The following MYO1H variants were observed in gnomAD, a reference collection of about 807,000 sequenced individuals.
The protein encoded by MYO1H is myosin IH, also known as unconventional myosin-Ih.
A neutral mutation model predicts 149.3 loss-of-function variants in MYO1H; 118 were observed. That is an observed-to-expected ratio of 0.79 (90% CI 0.68 to 0.92). The LOEUF (loss-of-function observed/expected upper bound fraction) is 0.92, where lower values mean the gene tolerates loss of function less well. MYO1H is among the 40% of genes least tolerant of loss of function. MYO1H has a pLI of 0.00. For missense variants in MYO1H, 1,212 were observed against 1,280.7 expected (o/e 0.95, Z 0.82); for synonymous variants, 447 against 465.2 (o/e 0.96, Z 0.50).
intron 16 of MYO1H, 85 bp from the exon 17 acceptor site, chr12:109,424,663 T>G: frequency 1.0e-6 from 1 of 997,596 alleles, no homozygotes; most frequent in Non-Finnish European, 1.5e-6. Flanking sequence ...CTCTGTTGCT[T>G]CATGCACACT....
chr12:109,434,561 A>G (rs1032746182), intron 20 of MYO1H, among the ~76,000 whole-genome samples: 2 of 152,156 alleles, frequency 1.3e-5, no homozygotes, highest in African/African-American at 2.4e-5. Context: ...GCCTAGCAAC[A>G]TAACTTGAAG....
chr12:109,407,600 C>CAAAAA (rs776897477), intron 9 of MYO1H, among the ~76,000 whole-genome samples, 194 bp from the exon 10 acceptor site: 3 of 68,426 alleles, frequency 4.4e-5, no homozygotes, highest in South Asian at 5.5e-4. Context: ...CACATTTCTA[C>CAAAAA]AAAAAAAAAA....
chr12:109,356,913 A>G (rs971389357), intron 1 of MYO1H, among the ~76,000 whole-genome samples: 2 of 152,210 alleles, frequency 1.3e-5, no homozygotes, highest in Admixed American at 1.3e-4. Flanking sequence ...CAATATTATC[A>G]TTCTCAGATT....
At chr12:109,375,526 T>C (rs549409563) in intron 1 of MYO1H, among the ~76,000 whole-genome samples, 1 of 152,366 alleles carries the variant, frequency 6.6e-6, no homozygotes, top group South Asian at 2.1e-4. Flanking sequence ...ATTTTTCTTA[T>C]TCATTTCTAG....
At chr12:109,427,484 T>C (rs753069363) in exon 19 of MYO1H, 2 of 1,612,298 alleles carry the variant, frequency 1.2e-6, no homozygotes, top group South Asian at 2.2e-5. Context: ...TTTGATGACT[T>C]CCTCATAAGG....
intron 8 of MYO1H, 139 bp from the exon 9 acceptor site, chr12:109,406,649 GA>G (rs1223816044): frequency 3.0e-5 from 22 of 731,210 alleles, no homozygotes; most frequent in Middle Eastern, 5.0e-4. Flanking sequence ...GACCTTGTCT[GA>G]AAAAAAGTTA....
chr12:109,444,276 A>T, exon 29 of MYO1H: 2 of 1,613,784 alleles, frequency 1.2e-6, no homozygotes, highest in Non-Finnish European at 1.7e-6. Flanking sequence ...GAGGACAGCA[A>T]GCAAAAGGTA....
chr12:109,381,531 G>T (rs930076833), intron 1 of MYO1H, among the ~76,000 whole-genome samples: 1 of 152,206 alleles, frequency 6.6e-6, no homozygotes. Context: ...TTGGCTGGGC[G>T]CAGTGGCTCA....
Position 109,427,348 on chromosome 12 carries a change from A to G in MYO1H, c.1832-121A>G, listed in dbSNP as rs148267374. 454 of 595,542 alleles carry G rather than the reference A, an allele frequency of 7.6e-4. 1 individual carries two copies. In the African/African-American group the frequency reaches 8.0e-3, roughly 11 times the overall value. The allele number at this position is 595,542 out of a possible 1,614,324, so 36.9% of individuals were successfully genotyped here. ...AAAAAAAAAAAAAAATTAAGACCTC[A>G]CGAAATGAGTCTGGGGCCAGACCCA... is the stretch of plus-strand genomic sequence containing the variant. On this transcript the variant is annotated intron_variant, in intron 18 of 31. Transcript: ENST00000310903.
At chr12:109,426,474 C>T (rs1340160394) in intron 18 of MYO1H, among the ~76,000 whole-genome samples, 1 of 152,056 alleles carries the variant, frequency 6.6e-6, no homozygotes, top group African/African-American at 2.4e-5. Flanking sequence ...TGCAGTGAGC[C>T]ATGACTGTGC....
the MYO1H span, among the ~76,000 whole-genome samples, chr12:109,341,189 G>GAAA: frequency 1.0e-5 from 1 of 96,070 alleles, no homozygotes. Context: ...ACTCCATCTC[G>GAAA]AAAAAAAAAA....
chr12:109,351,510 C>T (rs1376395343), intron 1 of MYO1H, among the ~76,000 whole-genome samples: 2 of 152,168 alleles, frequency 1.3e-5, no homozygotes. Flanking sequence ...AAAGATTAGA[C>T]ATTGTGTCCA....
intron 15 of MYO1H, among the ~76,000 whole-genome samples, chr12:109,418,696 C>CCAGCA (rs10631374): frequency 6.6e-6 from 1 of 151,986 alleles, no homozygotes. Context: ...CTACAGGCAC[C>CCAGCA]CCACGCCCGG....
At chr12:109,329,591 A>C in the MYO1H span, among the ~76,000 whole-genome samples, 1 of 152,184 alleles carries the variant, frequency 6.6e-6, no homozygotes, top group Non-Finnish European at 1.5e-5. Context: ...GATTCAAAGA[A>C]GGCTTAAATG....
intron 19 of MYO1H, among the ~76,000 whole-genome samples, chr12:109,428,128 C>A (rs1158169635): frequency 6.7e-6 from 1 of 150,292 alleles, no homozygotes; most frequent in Non-Finnish European, 1.5e-5. Context: ...CACAAAAATT[C>A]AGTTTACCAT....
At chr12:109,443,264 A>ATATGTGTGTGTATATGTGTACG (rs1872303596) in intron 27 of MYO1H, among the ~76,000 whole-genome samples, 1 of 61,724 alleles carries the variant, frequency 1.6e-5, no homozygotes, top group African/African-American at 7.2e-5. Context: ...ATGTGTACGT[A>ATATGTGTGTGTATATGTGTACG]TATGTGTGTG....
the MYO1H span, among the ~76,000 whole-genome samples, chr12:109,318,972 G>GTTTTTGT: frequency 0.016 from 1,226 of 77,264 alleles, 26 homozygotes; most frequent in Non-Finnish European, 0.018. Flanking sequence ...TTTTGGTTTT[G>GTTTTTGT]TTTTTTTTTT....
rs564601195 is a variant in MYO1H at position 109,431,198 on chromosome 12, T to G, written c.1950-1699T>G. 6.6e-5 allele frequency among the ~76,000 whole-genome samples: 10 copies of G among 151,998 alleles called. 2 individuals carry two copies. The South Asian group carries it at 2.1e-3, about 32-fold the overall frequency. ...ATCGAGACCATCCTGGCTAACACAATGAAACTCCGTCTCTACTAAAAAATA... is the reference window on the plus strand; with the variant it reads ...ATCGAGACCATCCTGGCTAACACAAGGAAACTCCGTCTCTACTAAAAAATA... On this transcript the variant is annotated intron_variant, in intron 19 of 31. Coordinates refer to ENST00000310903, the Ensembl canonical transcript of MYO1H.
At chr12:109,360,333 C>A (rs1868716523) in intron 1 of MYO1H, among the ~76,000 whole-genome samples, 1 of 152,084 alleles carries the variant, frequency 6.6e-6, no homozygotes, top group Admixed American at 6.6e-5. Context: ...ATGGGAGTTT[C>A]TGGTGCCTCG....
Sources: gnomAD v4.1 joint callset for allele counts (sites outside exome capture counted in the v4.1 genomes callset) on GRCh38, gnomAD v4.1.1 for gene constraint, MANE v1.5 for transcripts, NCBI Gene and HGNC (gene_info 2026-07-23, HGNC 2026-07-21) for gene names.